Variants in FAM107B observed in about 807,000 individuals in gnomAD.
FAM107B encodes protein FAM107B.
A neutral mutation model predicts 31.5 loss-of-function variants in FAM107B; 21 were observed. The observed-to-expected ratio is 0.67, with a 90% CI of 0.47 to 0.96. The LOEUF is 0.96. Among genes scored for constraint, FAM107B ranks in the 40% least tolerant of loss-of-function variants. FAM107B has a pLI of 0.00. For missense variants in FAM107B, 452 were observed against 377.1 expected, an observed-to-expected ratio of 1.20 and a Z score of -1.64; for synonymous variants, 157 against 141.5, an observed-to-expected ratio of 1.11 and a Z score of -0.78.
At chr10:14,750,669 T>A (rs1252642325) in intron 1 of FAM107B, among the ~76,000 whole-genome samples, 3 of 152,002 alleles carry the variant, frequency 2.0e-5, no homozygotes, top group Non-Finnish European at 4.4e-5. Flanking sequence ...TAGTCTCAGT[T>A]GGATATGTGG....
chr10:14,651,559 G>T (rs146672109), intron 2 of FAM107B, among the ~76,000 whole-genome samples: 1 of 152,102 alleles, frequency 6.6e-6, no homozygotes, highest in African/African-American at 2.4e-5. Context: ...CTGGGATCGC[G>T]CCATTGCACT....
At chr10:14,531,874 A>AT (rs1231561606) in intron 2 of FAM107B, among the ~76,000 whole-genome samples, 1 of 152,134 alleles carries the variant, frequency 6.6e-6, no homozygotes, top group Non-Finnish European at 1.5e-5. Context: ...TGAAACGTAT[A>AT]TATATTGCGC....
At chr10:14,629,096 T>C (rs1853250241) in intron 2 of FAM107B, among the ~76,000 whole-genome samples, 1 of 148,760 alleles carries the variant, frequency 6.7e-6, no homozygotes, top group African/African-American at 2.5e-5. Context: ...ACTAAATATA[T>C]AAAATTTATA....
chr10:14,661,891 G>A (rs201941814), intron 2 of FAM107B, among the ~76,000 whole-genome samples: 3 of 152,156 alleles, frequency 2.0e-5, no homozygotes, highest in African/African-American at 7.2e-5. Flanking sequence ...GTGCCTTCTC[G>A]CTGACATGCA....
At chr10:14,544,908 G>C (rs1351047445) in intron 2 of FAM107B, among the ~76,000 whole-genome samples, 1 of 152,142 alleles carries the variant, frequency 6.6e-6, no homozygotes, top group African/African-American at 2.4e-5. Flanking sequence ...AAATGCCTAC[G>C]TGTGTGTCTG....
chr10:14,536,413 C>T (rs1847611981), intron 2 of FAM107B, among the ~76,000 whole-genome samples: 1 of 152,204 alleles, frequency 6.6e-6, no homozygotes, highest in Non-Finnish European at 1.5e-5. Context: ...TCTGCCAACC[C>T]TCTGGCAATA....
chr10:14,522,782 A>C (rs1329203186), intron 3 of FAM107B, among the ~76,000 whole-genome samples: 1 of 152,086 alleles, frequency 6.6e-6, no homozygotes, highest in African/African-American at 2.4e-5. Flanking sequence ...GGCCCTGGAA[A>C]CCTTCCCACC....
intron 1 of FAM107B, among the ~76,000 whole-genome samples, chr10:14,700,027 G>A (rs1855358376): frequency 6.6e-6 from 1 of 152,096 alleles, no homozygotes; most frequent in South Asian, 2.1e-4. Flanking sequence ...CCACCTCCCG[G>A]GTGCAAGCGA....
chr10:14,620,792 G>A (rs930448718), intron 2 of FAM107B, among the ~76,000 whole-genome samples: 1 of 152,090 alleles, frequency 6.6e-6, no homozygotes, highest in Non-Finnish European at 1.5e-5. Flanking sequence ...TTTAACTGAT[G>A]TCTTAATATA....
At chr10:14,528,179 T>G (rs1288706869) in intron 3 of FAM107B, 10 of 166,686 alleles carry the variant, frequency 6.0e-5, no homozygotes, top group African/African-American at 2.1e-4. Flanking sequence ...TTTTGGTTTT[T>G]TTTTTTTTTT....
intron 1 of FAM107B, among the ~76,000 whole-genome samples, chr10:14,676,711 C>A (rs1854691224): frequency 6.6e-6 from 1 of 152,168 alleles, no homozygotes; most frequent in African/African-American, 2.4e-5. Context: ...AGAGAAACTG[C>A]ACTGTATGTG....
In FAM107B at chr10:14,575,087, A is replaced by C. The variant is rs181884985; in HGVS notation, c.470-44572T>G. ...TTATCTGTATGAGTCAATAATAAGC[A>C]CTAAAGGGGTTAAGCTTCTTGCACT... On this transcript the variant is annotated intron_variant, in intron 2 of 4. Transcript: ENST00000181796. Among the ~76,000 whole-genome samples the C allele has an allele frequency of 1.8e-3, 275 of 152,348 alleles. 1 individual carries two copies. Among genetic ancestry groups the C allele is most frequent in the African/African-American group, 6.2e-3 (257 of 41,580 alleles).
intron 1 of FAM107B, among the ~76,000 whole-genome samples, chr10:14,706,347 C>T (rs560211621): frequency 2.6e-5 from 4 of 152,110 alleles, no homozygotes; most frequent in Admixed American, 6.6e-5. Flanking sequence ...CTTGCCTCAG[C>T]CCCCCAAGTA....
At chr10:14,731,975 C>T (rs986151692) in intron 1 of FAM107B, among the ~76,000 whole-genome samples, 1 of 152,182 alleles carries the variant, frequency 6.6e-6, no homozygotes, top group South Asian at 2.1e-4. Context: ...CTGCTTTCAC[C>T]GTTTGCCCTC....
intron 3 of FAM107B, among the ~76,000 whole-genome samples, chr10:14,527,339 A>C (rs982089283): frequency 2.6e-5 from 4 of 152,214 alleles, no homozygotes; most frequent in Non-Finnish European, 5.9e-5. Flanking sequence ...CAGTAAATAG[A>C]GGAATAGGAT....
At chr10:14,761,896 G>A (rs903655813) in intron 1 of FAM107B, among the ~76,000 whole-genome samples, 2 of 152,166 alleles carry the variant, frequency 1.3e-5, no homozygotes, top group African/African-American at 4.8e-5. Flanking sequence ...ACCGCACCGG[G>A]CCGATGGCTC....
intron 3 of FAM107B, chr10:14,529,859 A>G (rs912960279): frequency 3.3e-5 from 5 of 153,280 alleles, no homozygotes; most frequent in African/African-American, 9.6e-5. Context: ...CCAAACAAAC[A>G]AAAACATGAG....
chr10:14,729,091 C>G (rs1004833172), intron 1 of FAM107B, among the ~76,000 whole-genome samples: 1 of 152,034 alleles, frequency 6.6e-6, no homozygotes, highest in African/African-American at 2.4e-5. Flanking sequence ...CTTCTGGGCT[C>G]AAGCAGTCCT....
chr10:14,523,050 G>A (rs552605980), intron 3 of FAM107B, among the ~76,000 whole-genome samples: 2 of 152,304 alleles, frequency 1.3e-5, no homozygotes, highest in Non-Finnish European at 2.9e-5. Flanking sequence ...AACAGGCCAT[G>A]AACTAGCCAC....
Sources: allele counts gnomAD v4.1 joint callset (sites outside exome capture counted in the v4.1 genomes callset), GRCh38; gene constraint gnomAD v4.1.1; transcripts MANE v1.5; gene names NCBI Gene and HGNC (gene_info 2026-07-23, HGNC 2026-07-21).